The following AXDND1 variants were observed in gnomAD, a reference collection of about 807,000 sequenced individuals.
AXDND1 encodes the protein axonemal dynein light chain domain containing 1.
In AXDND1, 110 loss-of-function variants were observed where a neutral mutation model predicts 137.5. That is an observed-to-expected ratio of 0.80 (90% CI 0.69 to 0.94). The LOEUF (loss-of-function observed/expected upper bound fraction) is 0.94, where lower values mean the gene tolerates loss of function less well. Among genes scored for constraint, AXDND1 ranks in the 40% least tolerant of loss-of-function variants. AXDND1 has a pLI of 0.00. For missense variants in AXDND1, 1,191 were observed against 1,169.8 expected (o/e 1.02, Z -0.26); for synonymous variants, 414 against 399.7 (o/e 1.04, Z -0.43).
intron 12 of AXDND1, among the ~76,000 whole-genome samples, chr1:179,427,231 C>G (rs939740440): frequency 2.6e-5 from 4 of 152,060 alleles, no homozygotes; most frequent in Non-Finnish European, 5.9e-5. Flanking sequence ...TATGCACACA[C>G]ACAAAATCTT....
rs772918847 is a variant in AXDND1, at chr1:179,483,115, A to G, written c.1998-13A>G. ...CAGCCAGTCACTTTTATTTTACTTG[A>G]TTTTTCCTTCAGGGTACTCCAAGCG... is the stretch of plus-strand genomic sequence containing the variant. On this transcript the variant is annotated splice_polypyrimidine_tract_variant and intron_variant, in intron 17 of 25. Coordinates refer to ENST00000367618, the MANE Select transcript of AXDND1 (RefSeq NM_144696.6). 5.2e-6 allele frequency: 8 copies of G among 1,535,914 alleles called. No individual in the cohort carries two copies. In the Admixed American group the frequency reaches 1.5e-4, roughly 30 times the overall value.
intron 22 of AXDND1, among the ~76,000 whole-genome samples, chr1:179,527,668 CT>C (rs1670661448): frequency 6.6e-6 from 1 of 152,126 alleles, no homozygotes; most frequent in African/African-American, 2.4e-5. Flanking sequence ...CATTTCTCCT[CT>C]TGCTTTCTGA....
intron 25 of AXDND1, chr1:179,546,350 G>A: frequency 6.6e-6 from 1 of 151,732 alleles, no homozygotes; most frequent in African/African-American, 2.4e-5. Flanking sequence ...GAGGGCACCT[G>A]CACTGCTGCT....
chr1:179,433,108 A>G (rs1657632802), intron 15 of AXDND1, among the ~76,000 whole-genome samples: 1 of 152,012 alleles, frequency 6.6e-6, no homozygotes, highest in Non-Finnish European at 1.5e-5. Flanking sequence ...TGGGAGGGTG[A>G]TGTGTCCAGG....
At chr1:179,457,181 T>G (rs1661527695) in intron 16 of AXDND1, 1 of 771,112 alleles carries the variant, frequency 1.3e-6, no homozygotes, top group African/African-American at 1.7e-5. Flanking sequence ...CCTGGAGTGC[T>G]TGGTATTTGG....
intron 25 of AXDND1, chr1:179,552,754 C>A (rs752112834): frequency 2.6e-6 from 3 of 1,160,126 alleles, no homozygotes; most frequent in Non-Finnish European, 3.8e-6. Flanking sequence ...CACAGACTTG[C>A]AAGCCTCTCT....
At chr1:179,508,284 T>C (rs889623607) in intron 20 of AXDND1, among the ~76,000 whole-genome samples, 3 of 150,832 alleles carry the variant, frequency 2.0e-5, no homozygotes, top group Admixed American at 6.6e-5. Context: ...TGCAGTGAGC[T>C]ATGATGATGC....
At chr1:179,456,370 T>G in intron 16 of AXDND1, 2 of 782,144 alleles carry the variant, frequency 2.6e-6, no homozygotes, top group South Asian at 2.7e-5. Flanking sequence ...GGTCCAAAAT[T>G]TGAAGACTGA....
At chr1:179,551,980 T>C (rs1264046358) in intron 25 of AXDND1, 2 of 170,466 alleles carry the variant, frequency 1.2e-5, no homozygotes, top group African/African-American at 4.8e-5. Flanking sequence ...CAGGCAATGA[T>C]CCTCTTACTG....
At chr1:179,404,131 A>T (rs1360341413) in intron 11 of AXDND1, among the ~76,000 whole-genome samples, 1 of 151,878 alleles carries the variant, frequency 6.6e-6, no homozygotes, top group African/African-American at 2.4e-5. Context: ...ATAGACCAGT[A>T]TCTACGTGTA....
At position 179,366,364 on chromosome 1, in the gene AXDND1, C is replaced by T. The variant is rs1225944125; in HGVS notation, c.-106-40C>T. On this transcript the variant is annotated intron_variant, in intron 1 of 25. Coordinates refer to ENST00000367618, the MANE Select transcript of AXDND1 (RefSeq NM_144696.6). ...AACCTAAGTACTCAATAGTTGTCATCTTTTTTTTTTTTTTTAAATCTTTTT... is the reference window on the plus strand; with the variant it reads ...AACCTAAGTACTCAATAGTTGTCATTTTTTTTTTTTTTTTTAAATCTTTTT... 13 of 492,496 alleles carry T rather than the reference C, an allele frequency of 2.6e-5. 1 individual carries two copies. Among genetic ancestry groups the T allele is most frequent in the Middle Eastern group, 5.2e-4 (1 of 1,916 alleles). The allele number at this position is 492,496 out of a possible 1,614,324, so 30.5% of individuals were successfully genotyped here. A position where few individuals can be genotyped will look rare whatever the true frequency, so the allele number is the denominator to read the frequency against.
intron 20 of AXDND1, among the ~76,000 whole-genome samples, chr1:179,494,710 G>C (rs992052151): frequency 6.6e-6 from 1 of 152,016 alleles, no homozygotes; most frequent in African/African-American, 2.4e-5. Context: ...TAATTTTGAT[G>C]AAGTTCAATC....
intron 15 of AXDND1, among the ~76,000 whole-genome samples, chr1:179,438,937 C>T (rs1197974635): frequency 2.6e-5 from 4 of 151,916 alleles, no homozygotes; most frequent in Non-Finnish European, 5.9e-5. Context: ...TGGATAATGC[C>T]AGAGGAAAAG....
At chr1:179,534,340 T>C (rs895166605) in intron 24 of AXDND1, among the ~76,000 whole-genome samples, 5 of 152,190 alleles carry the variant, frequency 3.3e-5, no homozygotes, top group Admixed American at 2.6e-4. Flanking sequence ...GTTTCTTTGA[T>C]TGTAAAAAAT....
At chr1:179,540,019 A>C (rs1353957959) in intron 25 of AXDND1, among the ~76,000 whole-genome samples, 2 of 151,704 alleles carry the variant, frequency 1.3e-5, no homozygotes, top group African/African-American at 4.8e-5. Flanking sequence ...CGAAGTTCTC[A>C]TGCTGTGTTT....
At chr1:179,548,142 G>T (rs893884561) in intron 25 of AXDND1, among the ~76,000 whole-genome samples, 1 of 152,186 alleles carries the variant, frequency 6.6e-6, no homozygotes, top group Non-Finnish European at 1.5e-5. Flanking sequence ...GGCCATCGGG[G>T]CTGCCTTTCA....
chr1:179,552,694 G>A, intron 25 of AXDND1: 1 of 1,609,024 alleles, frequency 6.2e-7, no homozygotes, highest in Non-Finnish European at 8.5e-7. Flanking sequence ...GAAAAAGAAA[G>A]AATGCAGGTA....
In AXDND1 at chr1:179,488,688, TTTC is replaced by T. The variant is rs1246989374; in HGVS notation, c.2092-2847_2092-2845del. ...CTTTCTTTCTTTCTTTCTTTCTTTC[TTTC>T]TTTCTTTCCTCTCTCTGTCTCTCTC... On this transcript the variant is annotated intron_variant, in intron 18 of 25. Transcript: ENST00000367618. Among the ~76,000 whole-genome samples, 262 of 131,734 alleles carry T rather than the reference TTTC, an allele frequency of 2.0e-3. 26 individuals are homozygous for T. The highest frequency in any genetic ancestry group is 7.2e-3 in the African/African-American group (227 of 31,608). 86.4% of individuals were successfully genotyped at this position (131,734 alleles called of 152,430 possible).
intron 9 of AXDND1, among the ~76,000 whole-genome samples, chr1:179,388,753 ATTTTTTTTTT>A (rs34937470): frequency 7.2e-6 from 1 of 139,214 alleles, no homozygotes. Context: ...ATGCCTGGCT[ATTTTTTTTTT>A]TTTTTGTATT....
Sources: gnomAD v4.1 joint callset for allele counts (sites outside exome capture counted in the v4.1 genomes callset) on GRCh38, gnomAD v4.1.1 for gene constraint, MANE v1.5 for transcripts, NCBI Gene and HGNC (gene_info 2026-07-23, HGNC 2026-07-21) for gene names.